Variants in CACNA1E observed in about 807,000 individuals in gnomAD.
CACNA1E encodes the protein voltage-dependent R-type calcium channel subunit alpha-1E.
Under a neutral mutation model 259.2 loss-of-function variants are expected in CACNA1E, and 40 were observed. The observed-to-expected ratio is 0.15, with a 90% CI of 0.12 to 0.20. The LOEUF (loss-of-function observed/expected upper bound fraction) is 0.20, where lower values mean the gene tolerates loss of function less well. CACNA1E is among the 10% of genes least tolerant of loss of function. The probability of loss-of-function intolerance (pLI) is 1.00; values close to 1 mark genes in which losing one functional copy is unlikely to be tolerated. For missense variants in CACNA1E, 1,874 were observed against 3,040.1 expected (o/e 0.62, Z 9.02); for synonymous variants, 1,104 against 1,138.5 (o/e 0.97, Z 0.61).
Position 181,758,025 on chromosome 1 carries a change from C to T in CACNA1E, c.4408C>T (p.Arg1470Cys), listed in dbSNP as rs1328011806. 3.1e-6 allele frequency: 5 copies of T among 1,613,908 alleles called. No individual in the cohort carries two copies. The highest frequency in any genetic ancestry group is 4.2e-6 in the Non-Finnish European group (5 of 1,179,824). The change falls in exon 31 of 48, where the codon CGC becomes TGC. Residue 1470 changes from arginine to cysteine, a missense_variant. Arg to Cys is a radical substitution (Grantham distance 180). This residue lies in a region of CACNA1E where 188 missense variants were observed against 540.6 expected (regional missense o/e 0.35). Transcript: ENST00000367573. The surrounding 1 kb of genome is among the most constrained non-coding windows in gnomAD (Gnocchi z 4.2). ...MPQNRHTFQY[R>C]VWHFVVSPSF... ...GCAGAACAGACACACCTTCCAGTAC[C>T]GCGTGTGGCACTTTGTGGTGTCTCC...
intron 1 of CACNA1E, among the ~76,000 whole-genome samples, chr1:181,509,395 G>A (rs1665982480): frequency 6.6e-6 from 1 of 152,210 alleles, no homozygotes; most frequent in Non-Finnish European, 1.5e-5. Context: ...GTCTGGGTAT[G>A]TGGGGAGATA....
intron 1 of CACNA1E, among the ~76,000 whole-genome samples, chr1:181,406,470 T>C (rs1333908976): frequency 6.6e-6 from 1 of 151,992 alleles, no homozygotes; most frequent in African/African-American, 2.4e-5. Flanking sequence ...GATCTCGGCT[T>C]GCTATAACTT....
At chr1:181,397,436 G>C (rs1408393556) in intron 1 of CACNA1E, among the ~76,000 whole-genome samples, 1 of 152,168 alleles carries the variant, frequency 6.6e-6, no homozygotes, top group Non-Finnish European at 1.5e-5. Flanking sequence ...AAGTAGCTGG[G>C]ATTACAGGCA....
intron 6 of CACNA1E, among the ~76,000 whole-genome samples, chr1:181,646,588 G>T (rs556717698): frequency 6.6e-6 from 1 of 152,318 alleles, no homozygotes; most frequent in African/African-American, 2.4e-5. Context: ...TCTGTGAAGA[G>T]GGTGCACAGA....
chr1:181,322,151 G>A (rs1436087378), intron 1 of CACNA1E, among the ~76,000 whole-genome samples: 2 of 152,176 alleles, frequency 1.3e-5, no homozygotes, highest in Non-Finnish European at 2.9e-5. Context: ...AGCTCAGCTG[G>A]TCAGGGATGA....
At chr1:181,783,455 T>C (rs985993754) in intron 39 of CACNA1E, among the ~76,000 whole-genome samples, 1 of 152,008 alleles carries the variant, frequency 6.6e-6, no homozygotes, top group Non-Finnish European at 1.5e-5. Context: ...ATCATTCCCT[T>C]GGTGGAGAAA....
chr1:181,382,534 T>G (rs1267158824), intron 1 of CACNA1E, among the ~76,000 whole-genome samples: 1 of 152,068 alleles, frequency 6.6e-6, no homozygotes, highest in Non-Finnish European at 1.5e-5. Flanking sequence ...AAGAGCAGGA[T>G]TTGATAAAAC....
rs1314026063 is a variant in CACNA1E at position 181,720,798 on chromosome 1, T to A, written c.1899T>A (p.Asp633Glu). 2 of 1,606,280 alleles carry A rather than the reference T, an allele frequency of 1.2e-6. No homozygotes were observed. The highest frequency in any genetic ancestry group is 1.7e-6 in the Non-Finnish European group (2 of 1,173,650). ...TGTTTTTCAGGTTTAACTTTAATGATGGGACTCCTTCGGCAAATTTTGATA... is the reference window on the plus strand; with the variant it reads ...TGTTTTTCAGGTTTAACTTTAATGAAGGGACTCCTTCGGCAAATTTTGATA... ...QLFGGRFNFN[D>E]GTPSANFDTF... is the part of the protein sequence containing the mutation. The change falls in exon 15 of 48, where the codon GAT becomes GAA. Residue 633 changes from aspartate to glutamate, a missense_variant. Asp to Glu is a conservative substitution (Grantham distance 45). This residue lies in a region of CACNA1E where 102 missense variants were observed against 279.4 expected (regional missense o/e 0.37). Transcript: ENST00000367573.
At chr1:181,549,821 A>G (rs566589149) in intron 3 of CACNA1E, among the ~76,000 whole-genome samples, 2 of 152,310 alleles carry the variant, frequency 1.3e-5, no homozygotes, top group South Asian at 4.1e-4. Context: ...CACGGCAACC[A>G]CTGGAGTGGG....
chr1:181,329,090 G>C (rs1425330413), intron 1 of CACNA1E, among the ~76,000 whole-genome samples: 2 of 152,124 alleles, frequency 1.3e-5, no homozygotes, highest in Non-Finnish European at 2.9e-5. Flanking sequence ...TTGTCTTGGT[G>C]AGTGGCGTCT....
chr1:181,692,733 C>A (rs1651294279), intron 7 of CACNA1E, among the ~76,000 whole-genome samples: 1 of 151,994 alleles, frequency 6.6e-6, no homozygotes. Context: ...TGGACATCAG[C>A]CTTGAGAAGG....
chr1:181,629,653 A>G lies in CACNA1E; in HGVS notation c.952-21685A>G, dbSNP rs947182035. On this transcript the variant is annotated intron_variant, in intron 6 of 47. Transcript: ENST00000367573. ...AATGACACGTGAAAAAAATTCTAAT[A>G]TAAGTATATATAAAGAGCCTCTATA... Among the ~76,000 whole-genome samples the G allele has an allele frequency of 2.0e-4, 30 of 152,088 alleles. 1 individual carries two copies. Among genetic ancestry groups the G allele is most frequent in the Non-Finnish European group, 5.9e-5 (4 of 68,020 alleles).
intron 18 of CACNA1E, among the ~76,000 whole-genome samples, chr1:181,728,157 A>G (rs1655090515): frequency 6.6e-6 from 1 of 152,188 alleles, no homozygotes; most frequent in Non-Finnish European, 1.5e-5. Flanking sequence ...TTAAAAACAC[A>G]TACACACAGG....
intron 6 of CACNA1E, among the ~76,000 whole-genome samples, chr1:181,607,617 A>ATGG (rs926106575): frequency 1.3e-5 from 2 of 152,194 alleles, no homozygotes; most frequent in African/African-American, 4.8e-5. Context: ...GAGATTATTA[A>ATGG]TGGTAATAAT....
chr1:181,721,970 G>T, intron 16 of CACNA1E, 95 bp downstream of exon 16: 1 of 822,024 alleles, frequency 1.2e-6, no homozygotes, highest in Non-Finnish European at 2.1e-6. Flanking sequence ...GCTTGGGTTG[G>T]TGGGACAGGG....
At chr1:181,484,425 A>G (rs556176) in intron 1 of CACNA1E, among the ~76,000 whole-genome samples, 30,033 of 152,090 alleles carry the variant, frequency 0.2, 3,225 homozygotes, top group African/African-American at 0.28. Context: ...ATCCCCACCA[A>G]CCAGGAGACA....
chr1:181,630,637 G>C (rs1656640879), intron 6 of CACNA1E, among the ~76,000 whole-genome samples: 2 of 151,986 alleles, frequency 1.3e-5, no homozygotes, highest in African/African-American at 4.8e-5. Flanking sequence ...CCTATGCTTG[G>C]AGCACCATGT....
In CACNA1E at chr1:181,755,974, T is replaced by G; in HGVS notation, c.4008T>G (p.His1336Gln). Residue 1336 changes from histidine (H) to glutamine (Q), a missense_variant, in exon 29 of 48, where the codon CAT (histidine) becomes CAG (glutamine). By Grantham distance (24) the His-to-Gln change is conservative. Coordinates refer to ENST00000367573, the MANE Select transcript of CACNA1E (RefSeq NM_001205293.3). The part of the protein sequence containing the change: ...EKECIGNYVD[H>Q]EKNKMEVKGR... Reference sequence around the variant, plus strand: ...GTTTTAGAGGCAACTATGTAGATCATGAGAAAAACAAGATGGAGGTGAAGG... The same window carrying G: ...GTTTTAGAGGCAACTATGTAGATCAGGAGAAAAACAAGATGGAGGTGAAGG... 4 of 1,612,956 alleles carry G rather than the reference T, an allele frequency of 2.5e-6. No homozygotes were observed. Among genetic ancestry groups the G allele is most frequent in the Non-Finnish European group, 3.4e-6 (4 of 1,179,250 alleles).
At chr1:181,766,920 A>G (rs568241741) in intron 35 of CACNA1E, among the ~76,000 whole-genome samples, 2 of 152,296 alleles carry the variant, frequency 1.3e-5, no homozygotes, top group Admixed American at 1.3e-4. Flanking sequence ...AGATGACACC[A>G]TTGTTCTTAG....
Sources: allele counts gnomAD v4.1 joint callset (sites outside exome capture counted in the v4.1 genomes callset), GRCh38; gene constraint gnomAD v4.1.1; regional missense constraint gnomAD v4.1.1; non-coding constraint Gnocchi (gnomAD v3.1); transcripts MANE v1.5; gene names NCBI Gene and HGNC (gene_info 2026-07-23, HGNC 2026-07-21).